GNG7: variants seen among roughly 807,000 people sequenced by gnomAD.
The protein encoded by GNG7 is guanine nucleotide-binding protein G(I)/G(S)/G(O) subunit gamma-7.
In GNG7, 1 loss-of-function variant was observed where a neutral mutation model predicts 4.0. The ratio of observed to expected loss-of-function variants is 0.25; its 90% CI spans 0.09 to 1.18. The LOEUF is 1.18. GNG7 is among the 50% of genes most tolerant of loss of function. The pLI, the probability that GNG7 is intolerant of heterozygous loss-of-function variation, is 0.50. For synonymous variants in GNG7, 34 were observed against 36.9 expected (o/e 0.92, Z 0.29); for missense variants, 86 against 91.9 (o/e 0.94, Z 0.26).
intron 2 of GNG7, among the ~76,000 whole-genome samples, chr19:2,588,471 C>A (rs183151166): frequency 6.6e-6 from 1 of 152,210 alleles, no homozygotes; most frequent in African/African-American, 2.4e-5. Flanking sequence ...GCTGGTGAAT[C>A]GCACAGGGCC....
At chr19:2,686,103 G>A (rs1983863381) in intron 1 of GNG7, among the ~76,000 whole-genome samples, 1 of 152,056 alleles carries the variant, frequency 6.6e-6, no homozygotes, top group African/African-American at 2.4e-5. Flanking sequence ...GAGGCCAGGG[G>A]GCAGAAAGTG....
intron 2 of GNG7, among the ~76,000 whole-genome samples, chr19:2,589,584 T>C (rs1980779414): frequency 6.6e-6 from 1 of 151,768 alleles, no homozygotes; most frequent in South Asian, 2.1e-4. Flanking sequence ...CCTGTGTCAT[T>C]CCCACCTCCG....
At chr19:2,602,491 T>G (rs1050652232) in intron 2 of GNG7, among the ~76,000 whole-genome samples, 5 of 152,176 alleles carry the variant, frequency 3.3e-5, no homozygotes, top group Admixed American at 2.6e-4. Context: ...CAGACAGGAA[T>G]GCGCTGTGCA....
chr19:2,606,815 A>G (rs1476231175), intron 2 of GNG7, among the ~76,000 whole-genome samples: 1 of 151,846 alleles, frequency 6.6e-6, no homozygotes, highest in Non-Finnish European at 1.5e-5. Context: ...CCAAAACTAA[A>G]CTGAGAAGGT....
At chr19:2,637,927 T>C (rs931583097) in intron 2 of GNG7, among the ~76,000 whole-genome samples, 13 of 152,120 alleles carry the variant, frequency 8.5e-5, no homozygotes, top group Non-Finnish European at 1.9e-4. Context: ...CCCAGGAGGC[T>C]GCACACATTG....
chr19:2,689,849 A>G (rs1287919670), intron 1 of GNG7, among the ~76,000 whole-genome samples: 1 of 152,078 alleles, frequency 6.6e-6, no homozygotes, highest in Non-Finnish European at 1.5e-5. Flanking sequence ...TTTTTCGGTA[A>G]GAGTCCAGAT....
At chr19:2,623,711 T>A (rs535785999) in intron 2 of GNG7, among the ~76,000 whole-genome samples, 4 of 152,146 alleles carry the variant, frequency 2.6e-5, no homozygotes, top group African/African-American at 9.6e-5. Context: ...TGAAACCCCA[T>A]CTCTACTAAA....
chr19:2,696,335 AAAG>A (rs1210267013), intron 1 of GNG7, among the ~76,000 whole-genome samples: 3 of 138,912 alleles, frequency 2.2e-5, no homozygotes, highest in African/African-American at 5.9e-5. Context: ...AGAAAGAAAG[AAAG>A]AAAGAAAGAA....
At chr19:2,666,610 C>A (rs1163500746) in intron 1 of GNG7, among the ~76,000 whole-genome samples, 1 of 152,182 alleles carries the variant, frequency 6.6e-6, no homozygotes, top group Non-Finnish European at 1.5e-5. Flanking sequence ...CCTTGCCTGG[C>A]CAGATTACCT....
intron 2 of GNG7, among the ~76,000 whole-genome samples, chr19:2,574,518 G>A (rs1218241845): frequency 6.6e-6 from 1 of 152,154 alleles, no homozygotes; most frequent in African/African-American, 2.4e-5. Context: ...CACTGAGCGT[G>A]AGGTCCTCAA....
chr19:2,693,198 G>A lies in GNG7; in HGVS notation c.-135+9448C>T, dbSNP rs527772800. Among the ~76,000 whole-genome samples, 7 of 150,862 alleles carry A rather than the reference G, an allele frequency of 4.6e-5. No individual in the cohort carries two copies. The East Asian group carries it at 1.2e-3, about 25-fold the overall frequency. ...CTCTGGAGGCTGAGGCAGGAGGATC[G>A]CTTGAGCCCAGGAGTTTGAGACCAG... On this transcript the variant is annotated intron_variant, in intron 1 of 4. Transcript: ENST00000382159.
chr19:2,545,912 G>C (rs577579026), intron 3 of GNG7, among the ~76,000 whole-genome samples: 34 of 152,072 alleles, frequency 2.2e-4, no homozygotes, highest in Non-Finnish European at 3.8e-4. Context: ...CCAAAATCGC[G>C]CCACTGCACT....
intron 1 of GNG7, among the ~76,000 whole-genome samples, chr19:2,659,610 A>G (rs77641267): frequency 0.025 from 3,057 of 121,296 alleles, 107 homozygotes; most frequent in East Asian, 0.048. Flanking sequence ...AAAAAAAAAA[A>G]AGAGAGGAGG....
At chr19:2,604,524 GGAGGGAGGGAGC>G (rs1981316487) in intron 2 of GNG7, among the ~76,000 whole-genome samples, 1 of 145,342 alleles carries the variant, frequency 6.9e-6, no homozygotes, top group East Asian at 2.1e-4. Context: ...AGGGAGGGAG[GGAGGGAGGGAGC>G]GAGGGAGGGA....
chr19:2,660,718 G>A (rs1233494749), intron 1 of GNG7, among the ~76,000 whole-genome samples: 7 of 152,222 alleles, frequency 4.6e-5, no homozygotes, highest in Non-Finnish European at 8.8e-5. Context: ...TGGAGCCCAG[G>A]AGTTCAAGAC....
intron 2 of GNG7, among the ~76,000 whole-genome samples, chr19:2,559,618 G>A (rs985669624): frequency 2.0e-5 from 3 of 152,006 alleles, no homozygotes; most frequent in Admixed American, 2.0e-4. Context: ...GGGTTCAAGC[G>A]ATTCTCCTGC....
chr19:2,547,788 T>G (rs1599383791), intron 3 of GNG7, among the ~76,000 whole-genome samples: 1 of 152,186 alleles, frequency 6.6e-6, no homozygotes, highest in African/African-American at 2.4e-5. Flanking sequence ...CCAGGGCCGA[T>G]CTCCTTCCCA....
chr19:2,697,668 A>G (rs1225521844), intron 1 of GNG7, among the ~76,000 whole-genome samples: 1 of 152,170 alleles, frequency 6.6e-6, no homozygotes, highest in East Asian at 1.9e-4. Flanking sequence ...GTGAAAGGAC[A>G]CAGCGGCCGG....
intron 3 of GNG7, among the ~76,000 whole-genome samples, chr19:2,527,528 C>T (rs1424508139): frequency 1.3e-5 from 2 of 152,146 alleles, no homozygotes; most frequent in African/African-American, 4.8e-5. Context: ...GACAAAGACC[C>T]AAAACTGCGA....
Sources: gnomAD v4.1 joint callset for allele counts (sites outside exome capture counted in the v4.1 genomes callset) on GRCh38, gnomAD v4.1.1 for gene constraint, MANE v1.5 for transcripts, NCBI Gene and HGNC (gene_info 2026-07-23, HGNC 2026-07-21) for gene names.